MYOM3: variants seen among roughly 807,000 people sequenced by gnomAD.
The protein encoded by MYOM3 is myomesin-3.
Under a neutral mutation model 191.7 loss-of-function variants are expected in MYOM3, and 155 were observed. The ratio of observed to expected loss-of-function variants is 0.81; its 90% CI spans 0.71 to 0.92. The LOEUF (loss-of-function observed/expected upper bound fraction) is 0.92. Among genes scored for constraint, MYOM3 ranks in the 40% least tolerant of loss-of-function variants. MYOM3 has a pLI of 0.00. For synonymous variants in MYOM3, 757 were observed against 762.9 expected (o/e 0.99, Z 0.13); for missense variants, 1,889 against 1,890.6 (o/e 1.00, Z 0.02).
In MYOM3 at chr1:24,085,831, A is replaced by ATG. The variant is rs35549651; in HGVS notation, c.1798+811_1798+812dup. Among the ~76,000 whole-genome samples, 183 of 151,548 alleles carry ATG rather than the reference A, an allele frequency of 1.2e-3. 2 individuals carry two copies. The highest frequency in any genetic ancestry group is 3.4e-3 in the Middle Eastern group (1 of 292). On this transcript the variant is annotated intron_variant, in intron 15 of 36. Coordinates refer to ENST00000374434, the MANE Select transcript of MYOM3 (RefSeq NM_152372.4). ...ACTTGTTCATATGTGCCGTGTGTGT[A>ATG]TGTGTGTGTGTGTGTGCGCGTGTGT...
At position 24,092,245 on chromosome 1, in the gene MYOM3, G is replaced by C. The variant is rs1643848281; in HGVS notation, c.1161C>G (p.Asp387Glu). Residue 387 changes from aspartate (D) to glutamate (E), a missense_variant, in exon 11 of 37, where the codon GAC becomes GAG. Asp to Glu is a conservative substitution (Grantham distance 45). Transcript: ENST00000374434. ...LNVRCLDVNR[D>E]CLILTWAPPS... ...GCGGGGCCCAAGTCAGGATGAGGCAGTCTCTGTTCACATCCAGGCATCGGA... is the reference window on the plus strand; with the variant it reads ...GCGGGGCCCAAGTCAGGATGAGGCACTCTCTGTTCACATCCAGGCATCGGA... The C allele has an allele frequency of 2.1e-6, 3 of 1,422,464 alleles. No homozygotes were observed. The highest frequency in any genetic ancestry group is 2.8e-6 in the Non-Finnish European group (3 of 1,078,880). 88.1% of individuals were successfully genotyped at this position (1,422,464 alleles called of 1,614,324 possible).
At chr1:24,086,587 A>C in intron 15 of MYOM3, 57 bp downstream of exon 15, 1 of 1,552,376 alleles carries the variant, frequency 6.4e-7, no homozygotes, top group East Asian at 2.2e-5. Flanking sequence ...CTGCAGCTTC[A>C]GGTCCTGAGC....
rs1204832194 is a variant in MYOM3, at chr1:24,063,691, G to C, written c.3623-161C>G. On this transcript the variant is annotated intron_variant, in intron 30 of 36. Coordinates refer to ENST00000374434, the MANE Select transcript of MYOM3 (RefSeq NM_152372.4). This position sits in a 1 kb window ranked among gnomAD's most constrained non-coding sequence, Gnocchi z 4.5. Reference sequence around the variant, plus strand: ...TCTCATAGCTTGGGGATAGGAGGGGGTTCAGGGCACTCAGCAATGGGGTGG... The same window carrying C: ...TCTCATAGCTTGGGGATAGGAGGGGCTTCAGGGCACTCAGCAATGGGGTGG... 6.6e-6 allele frequency among the ~76,000 whole-genome samples: 1 copy of C among 152,112 alleles called. No individual in the cohort carries two copies. Among genetic ancestry groups the C allele is most frequent in the Non-Finnish European group, 1.5e-5 (1 of 68,014 alleles).
chr1:24,065,568 G>A (rs935454332), intron 29 of MYOM3, among the ~76,000 whole-genome samples: 7 of 152,178 alleles, frequency 4.6e-5, no homozygotes, highest in African/African-American at 7.2e-5. Flanking sequence ...AGAGAGCGAC[G>A]GGGGCTAGCC....
At chr1:24,106,937 A>G (rs999314359) in intron 4 of MYOM3, 136 bp downstream of exon 4, 15 of 814,522 alleles carry the variant, frequency 1.8e-5, no homozygotes, top group Admixed American at 3.0e-5. Flanking sequence ...CACCACTGGA[A>G]TGTAGGGGCA....
intron 28 of MYOM3, 42 bp downstream of exon 28, chr1:24,066,979 C>T (rs1458754921): frequency 2.0e-6 from 3 of 1,524,512 alleles, no homozygotes; most frequent in East Asian, 2.5e-5. Flanking sequence ...AGCCACAGGT[C>T]CCCCTGCACT....
At chr1:24,084,346 C>A in intron 16 of MYOM3, 122 bp downstream of exon 16, 1 of 1,084,392 alleles carries the variant, frequency 9.2e-7, no homozygotes, top group South Asian at 1.4e-5. Context: ...GAAAAAGAAG[C>A]CTGTATAGGT....
chr1:24,081,932 C>T (rs1643674273), intron 18 of MYOM3, 69 bp downstream of exon 18: 5 of 1,445,960 alleles, frequency 3.5e-6, no homozygotes, highest in African/African-American at 2.8e-5. Context: ...GACTCCAAGA[C>T]TCAAGCAGTG....
chr1:24,109,613 A>C (rs141518923), intron 1 of MYOM3, among the ~76,000 whole-genome samples: 1 of 152,364 alleles, frequency 6.6e-6, no homozygotes, highest in Non-Finnish European at 1.5e-5. Context: ...AACAATAGTG[A>C]GAACTTACTA....
Position 24,108,177 on chromosome 1 carries a change from C to G in MYOM3, c.162-104G>C, listed in dbSNP as rs1035559352. 3.4e-5 allele frequency: 37 copies of G among 1,094,306 alleles called. No homozygotes were observed. In the African/African-American group the frequency reaches 5.4e-4, roughly 16 times the overall value. The allele number at this position is 1,094,306 out of a possible 1,614,324, so 67.8% of individuals were successfully genotyped here. ...ACCTCAGCCTCAGGGCACCAGCAGG[C>G]AGGGCTGTGCCTCCCTCCTCATACT... On this transcript the variant is annotated intron_variant, in intron 2 of 36. Coordinates refer to ENST00000374434, the MANE Select transcript of MYOM3 (RefSeq NM_152372.4).
chr1:24,108,201 C>T, intron 2 of MYOM3, 128 bp from the exon 3 acceptor site: 1 of 896,778 alleles, frequency 1.1e-6, no homozygotes, highest in Non-Finnish European at 1.7e-6. Flanking sequence ...CCTCCTCATA[C>T]TGGGGTCTCA....
At position 24,094,835 on chromosome 1, in the gene MYOM3, A is replaced by G; in HGVS notation, c.928+18T>C. On this transcript the variant is annotated intron_variant, in intron 9 of 36. Transcript: ENST00000374434. ...GGGCCAGCTCTGGAGGCTGGGGGCC[A>G]GGACTGGGGGTCCTTACCATCTCGG... 6.2e-7 allele frequency: 1 copy of G among 1,603,108 alleles called. No individual in the cohort carries two copies. The highest frequency in any genetic ancestry group is 8.5e-7 in the Non-Finnish European group (1 of 1,174,448).
At position 24,067,125 on chromosome 1, in the gene MYOM3, G is replaced by T. The variant is rs762249564; in HGVS notation, c.3356-37C>A. ...AAACAAATGTGCCCACTGTCAGAGA[G>T]CCAGGCTCAGCCAGGGTGCCACCTG... On this transcript the variant is annotated intron_variant, in intron 27 of 36. Transcript: ENST00000374434. 4 of 1,550,280 alleles carry T rather than the reference G, an allele frequency of 2.6e-6. No homozygotes were observed. The East Asian group carries it at 7.3e-5, about 28-fold the overall frequency.
At chr1:24,099,800 C>T (rs1379879198) in intron 5 of MYOM3, 25 bp from the exon 6 acceptor site, 2 of 1,585,460 alleles carry the variant, frequency 1.3e-6, no homozygotes, top group Admixed American at 3.3e-5. Context: ...CGGTCTGTGG[C>T]AGGCAGGGTG....
rs1309423962 is a variant in MYOM3, at chr1:24,063,552, G to A, written c.3623-22C>T. On this transcript the variant is annotated intron_variant, in intron 30 of 36. Transcript: ENST00000374434. The surrounding 1 kb of genome is among the most constrained non-coding windows in gnomAD (Gnocchi z 4.5). ...AGGGCTGGCGGGAAACAGAGAGAAG[G>A]GTTAGCTGGCATAGGGCTCCCCTAG... The A allele has an allele frequency of 3.1e-6, 5 of 1,613,986 alleles. No homozygotes were observed. Among genetic ancestry groups the A allele is most frequent in the Non-Finnish European group, 4.2e-6 (5 of 1,180,006 alleles).
At chr1:24,089,764 A>T in intron 13 of MYOM3, 99 bp from the exon 14 acceptor site, 1 of 1,381,656 alleles carries the variant, frequency 7.2e-7, no homozygotes, top group Admixed American at 2.4e-5. Flanking sequence ...ACCCCTACCC[A>T]TCCCCCAGAG....
At chr1:24,071,773 C>T (rs1330371463) in intron 24 of MYOM3, among the ~76,000 whole-genome samples, 196 bp downstream of exon 24, 3 of 152,202 alleles carry the variant, frequency 2.0e-5, no homozygotes, top group African/African-American at 7.2e-5. Flanking sequence ...TTCCCTTCCT[C>T]GCATCCCCTT....
At chr1:24,098,147 T>G in intron 6 of MYOM3, 136 bp from the exon 7 acceptor site, 1 of 657,360 alleles carries the variant, frequency 1.5e-6, no homozygotes, top group Non-Finnish European at 2.8e-6. Flanking sequence ...TCATTATCTC[T>G]GAAAAGCTGT....
intron 11 of MYOM3, 21 bp from the exon 12 acceptor site, chr1:24,091,017 C>A: frequency 6.2e-7 from 1 of 1,611,974 alleles, no homozygotes; most frequent in Non-Finnish European, 8.5e-7. Flanking sequence ...CAGGCCCCCC[C>A]TTTCAGCCCC....
Sources: gnomAD v4.1 joint callset for allele counts (sites outside exome capture counted in the v4.1 genomes callset) on GRCh38, gnomAD v4.1.1 for gene constraint, Gnocchi (gnomAD v3.1) non-coding constraint, MANE v1.5 for transcripts, NCBI Gene and HGNC (gene_info 2026-07-23, HGNC 2026-07-21) for gene names.